CD36: variants seen among roughly 807,000 people sequenced by gnomAD.
CD36 encodes CD36 molecule (CD36 blood group).
A neutral mutation model predicts 55.2 loss-of-function variants in CD36; 119 were observed. That is an observed-to-expected ratio of 2.15 (90% CI 1.86 to 2.51). The LOEUF is 2.51. CD36 is among the 30% of genes most tolerant of loss of function. CD36 has a pLI of 0.00. For missense variants in CD36, 819 were observed against 555.5 expected, an observed-to-expected ratio of 1.47 and a Z score of -4.77; for synonymous variants, 186 against 193.6, an observed-to-expected ratio of 0.96 and a Z score of 0.33.
chr7:80,664,377 A>C lies in CD36; in HGVS notation c.610-29A>C, dbSNP rs1347940739. The C allele has an allele frequency of 4.3e-6, 5 of 1,167,552 alleles. No individual in the cohort carries two copies. In the African/African-American group the frequency reaches 7.5e-5, roughly 18 times the overall value. The allele number at this position is 1,167,552 out of a possible 1,614,324, so 72.3% of individuals were successfully genotyped here. On this transcript the variant is annotated intron_variant, in intron 6 of 14. Transcript: ENST00000447544. Reference sequence around the variant, plus strand: ...CAACTTTGAAAAAATGACTTGTAGAAGTAACATTTTCCCATACATATATTT... The same window carrying C: ...CAACTTTGAAAAAATGACTTGTAGACGTAACATTTTCCCATACATATATTT...
chr7:80,656,767 T>A (rs1422854481), intron 4 of CD36, 67 bp downstream of exon 4: 3 of 1,369,086 alleles, frequency 2.2e-6, no homozygotes, highest in Non-Finnish European at 3.1e-6. Flanking sequence ...AGTCTTCTAC[T>A]TGGCAAATGT....
At chr7:80,672,197 G>T (rs3211944) in intron 11 of CD36, among the ~76,000 whole-genome samples, 157 bp downstream of exon 11, 2,788 of 151,514 alleles carry the variant, frequency 0.018, 81 homozygotes, top group African/African-American at 0.062. Flanking sequence ...TTCTTCCTAT[G>T]GTTTATGAAG....
chr7:80,643,890 C>G (rs1794973964), intron 1 of CD36, among the ~76,000 whole-genome samples: 1 of 152,128 alleles, frequency 6.6e-6, no homozygotes, highest in South Asian at 2.1e-4. Flanking sequence ...ATTTTAATTG[C>G]TTCGTTAAGT....
chr7:80,646,148 A>T lies in CD36; in HGVS notation c.-123A>T, dbSNP rs1795150806. The T allele has an allele frequency of 6.5e-6, 1 of 154,518 alleles. No homozygotes were observed. The highest frequency in any genetic ancestry group is 2.4e-5 in the African/African-American group (1 of 41,464). 9.6% of individuals were successfully genotyped at this position (154,518 alleles called of 1,614,324 possible). A position where few individuals can be genotyped will look rare whatever the true frequency, so the allele number is the denominator to read the frequency against. ...TGTGACTCATCAGTTCATTTCCTGT[A>T]AAATTCATGTCTTGCTGTTGATTTG... On this transcript the variant is annotated 5_prime_UTR_variant, in exon 2 of 15. It removes the in-frame stop codon of an upstream open reading frame in the 5' UTR. Transcript: ENST00000447544.
At chr7:80,670,896 TAAAAC>T in intron 9 of CD36, 76 bp from the exon 10 acceptor site, 2 of 1,009,590 alleles carry the variant, frequency 2.0e-6, no homozygotes, top group South Asian at 2.7e-5. Flanking sequence ...GTTTCTAAGT[TAAAAC>T]AAGAATAAGA....
At chr7:80,654,600 A>G (rs1795890021) in intron 3 of CD36, among the ~76,000 whole-genome samples, 1 of 152,156 alleles carries the variant, frequency 6.6e-6, no homozygotes, top group African/African-American at 2.4e-5. Context: ...TTTTGTCTTA[A>G]TATTAGACTT....
At chr7:80,666,511 T>C (rs745387028) in intron 8 of CD36, 22 bp downstream of exon 8, 1 of 1,581,536 alleles carries the variant, frequency 6.3e-7, no homozygotes, top group Non-Finnish European at 8.7e-7. Context: ...TGTTTTGTGG[T>C]CATCACAGTT....
chr7:80,641,014 T>C (rs1415211012), intron 1 of CD36, among the ~76,000 whole-genome samples: 1 of 152,080 alleles, frequency 6.6e-6, no homozygotes, highest in Non-Finnish European at 1.5e-5. Flanking sequence ...GTCCAGTTAT[T>C]TGAAAATTAC....
rs1412333597 is a variant in CD36, at chr7:80,640,916, T to C, written c.-184+2170T>C. The stretch of plus-strand genomic sequence containing the variant: ...TACAGATGTCTATCAAGTTTTTTCC[T>C]ATTTTACATTTTTACCATCATATAT... On this transcript the variant is annotated intron_variant, in intron 1 of 14. Transcript: ENST00000447544. 1.3e-5 allele frequency among the ~76,000 whole-genome samples: 2 copies of C among 152,146 alleles called. 1 individual carries two copies. Among genetic ancestry groups the C allele is most frequent in the Admixed American group, 1.3e-4 (2 of 15,240 alleles).
At chr7:80,631,060 G>A (rs528680028) in intron 1 of CD36, among the ~76,000 whole-genome samples, 1 of 152,122 alleles carries the variant, frequency 6.6e-6, no homozygotes, top group Admixed American at 6.6e-5. Context: ...TGTCCGAGAA[G>A]TCTCTGAGGA....
At chr7:80,640,797 A>G (rs1332710501) in intron 1 of CD36, among the ~76,000 whole-genome samples, 1 of 152,090 alleles carries the variant, frequency 6.6e-6, no homozygotes, top group African/African-American at 2.4e-5. Context: ...TATAATATAT[A>G]AAGTCCAATG....
At chr7:80,674,449 C>CTAGTT (rs1798067666) in intron 14 of CD36, 1 of 328,262 alleles carries the variant, frequency 3.0e-6, no homozygotes, top group Non-Finnish European at 5.7e-6. Context: ...AATTATATAG[C>CTAGTT]TAGTTATATA....
intron 4 of CD36, among the ~76,000 whole-genome samples, chr7:80,658,300 C>T (rs1232473099): frequency 6.6e-6 from 1 of 151,646 alleles, no homozygotes; most frequent in Non-Finnish European, 1.5e-5. Context: ...TATATGTATT[C>T]ATAGGTGTAT....
intron 1 of CD36, among the ~76,000 whole-genome samples, chr7:80,642,372 AT>A (rs1046920590): frequency 2.0e-5 from 3 of 152,102 alleles, no homozygotes; most frequent in African/African-American, 7.2e-5. Flanking sequence ...CATAACCCAA[AT>A]TTTTTTATGC....
chr7:80,657,604 G>C lies in CD36; in HGVS notation c.281+904G>C, dbSNP rs1368578657. 3.3e-5 allele frequency among the ~76,000 whole-genome samples: 5 copies of C among 152,104 alleles called. No individual in the cohort carries two copies. In the South Asian group the frequency reaches 8.3e-4, roughly 25 times the overall value. On this transcript the variant is annotated intron_variant, in intron 4 of 14. Transcript: ENST00000447544. ...GTTCACACAGATGTAGGTACTGGTA[G>C]CTCCTAGATTTTTGTATACCTTTTC...
chr7:80,673,708 G>A (rs1239264832), intron 13 of CD36: 3 of 559,508 alleles, frequency 5.4e-6, no homozygotes, highest in Non-Finnish European at 9.5e-6. Flanking sequence ...TATAAAAATA[G>A]GAAAAACATT....
At chr7:80,671,540 CCTAA>C (rs1427835202) in intron 10 of CD36, among the ~76,000 whole-genome samples, 3 of 151,960 alleles carry the variant, frequency 2.0e-5, no homozygotes, top group African/African-American at 7.2e-5. Context: ...ATTCATCTGT[CCTAA>C]CTTTTTTCAC....
At chr7:80,621,154 T>A (rs1562774546) in intron 1 of CD36, among the ~76,000 whole-genome samples, 3 of 152,198 alleles carry the variant, frequency 2.0e-5, no homozygotes, top group Non-Finnish European at 4.4e-5. Context: ...TTGTTAGCTT[T>A]TTTTTAGCAA....
chr7:80,674,166 A>T lies in CD36; in HGVS notation c.*19A>T. 1 of 1,557,476 alleles carries T rather than the reference A, an allele frequency of 6.4e-7. No individual in the cohort carries two copies. The highest frequency in any genetic ancestry group is 1.7e-5 in the Admixed American group (1 of 59,478). On this transcript the variant is annotated intron_variant, in intron 14 of 14. Coordinates refer to ENST00000447544, the MANE Select transcript of CD36 (RefSeq NM_001001548.3). ...AAAATAAGTAAGTATGTACCAAAAA[A>T]TATTGCTTCAATAATATTAGCTTAT...
Sources: gnomAD v4.1 joint callset for allele counts (sites outside exome capture counted in the v4.1 genomes callset) on GRCh38, gnomAD v4.1.1 for gene constraint, MANE v1.5 for transcripts, NCBI Gene and HGNC (gene_info 2026-07-23, HGNC 2026-07-21) for gene names.